Variants in FRAS1 observed in about 807,000 individuals in gnomAD.
FRAS1 encodes extracellular matrix organizing protein FRAS1.
In FRAS1, 290 loss-of-function variants were observed where a neutral mutation model predicts 435.2. That is an observed-to-expected ratio of 0.67 (90% CI 0.61 to 0.73). The LOEUF is 0.73. FRAS1 is among the 30% of genes least tolerant of loss of function. The pLI, the probability that FRAS1 is intolerant of heterozygous loss-of-function variation, is 0.00. For synonymous variants in FRAS1, 1,800 were observed against 1,851.0 expected, an observed-to-expected ratio of 0.97 and a Z score of 0.71; for missense variants, 4,860 against 5,001.5, an observed-to-expected ratio of 0.97 and a Z score of 0.85.
At chr4:78,275,891 A>G (rs1403664379) in intron 9 of FRAS1, among the ~76,000 whole-genome samples, 2 of 152,144 alleles carry the variant, frequency 1.3e-5, no homozygotes, top group Non-Finnish European at 2.9e-5. Flanking sequence ...GTTCTCCTGG[A>G]TAATATACTG....
At chr4:78,245,135 G>A in intron 3 of FRAS1, 98 bp from the exon 4 acceptor site, 1 of 818,490 alleles carries the variant, frequency 1.2e-6, no homozygotes, top group Non-Finnish European at 2.1e-6. Flanking sequence ...AGAAACGCAT[G>A]AGATTTAGTG....
chr4:78,323,676 A>G lies in FRAS1; in HGVS notation c.2137+4690A>G, dbSNP rs144655593. ...GTGCCTGGCTCCTCCCGGAGTCACT[A>G]GTGACAACCAGTGTGGCAGTACGTG... On this transcript the variant is annotated intron_variant, in intron 18 of 73. Transcript: ENST00000512123. 2.0e-5 allele frequency among the ~76,000 whole-genome samples: 3 copies of G among 152,214 alleles called. 1 individual carries two copies. Among genetic ancestry groups the G allele is most frequent in the Non-Finnish European group, 4.4e-5 (3 of 68,014 alleles).
chr4:78,360,774 A>T (rs1400571409), intron 20 of FRAS1, among the ~76,000 whole-genome samples: 1 of 152,220 alleles, frequency 6.6e-6, no homozygotes, highest in South Asian at 2.1e-4. Flanking sequence ...TAGAATAATT[A>T]ACACACGTTA....
At chr4:78,411,363 C>T (rs1286187842) in intron 31 of FRAS1, among the ~76,000 whole-genome samples, 5 of 152,240 alleles carry the variant, frequency 3.3e-5, no homozygotes, top group African/African-American at 1.2e-4. Flanking sequence ...CCGCCCACCT[C>T]GGCCTCCCAA....
chr4:78,435,267 A>AAAAC lies in FRAS1; in HGVS notation c.5217+2679_5217+2682dup, dbSNP rs567068916. 2.1e-4 allele frequency among the ~76,000 whole-genome samples: 32 copies of AAAAC among 152,324 alleles called. No homozygotes were observed. In the South Asian group the frequency reaches 5.4e-3, roughly 26 times the overall value. On this transcript the variant is annotated intron_variant, in intron 38 of 73. Transcript: ENST00000512123. ...GATGACAGAGCAAGCCCCTTTCTCA[A>AAAAC]AAACAAACAAACAAACAAAAACAAA...
intron 67 of FRAS1, among the ~76,000 whole-genome samples, chr4:78,520,481 A>G (rs776654807): frequency 2.6e-5 from 4 of 152,148 alleles, no homozygotes; most frequent in African/African-American, 7.2e-5. Context: ...ATTCATATCT[A>G]TTAGTGTTTG....
At position 78,496,639 on chromosome 4, in the gene FRAS1, TG is replaced by T. The variant is rs376542633; in HGVS notation, c.8959-165del. ...CATATAGGTGGGTCCCACCCAAGCA[TG>T]AACTGTTAAATTTGAACATTTTGTT... On this transcript the variant is annotated intron_variant, in intron 59 of 73. Coordinates refer to ENST00000512123, the MANE Select transcript of FRAS1 (RefSeq NM_025074.7). 2.2e-3 allele frequency among the ~76,000 whole-genome samples: 329 copies of T among 152,368 alleles called. 1 individual carries two copies. Among genetic ancestry groups the T allele is most frequent in the African/African-American group, 7.6e-3 (317 of 41,586 alleles).
chr4:78,315,941 A>G (rs558020539), intron 16 of FRAS1, among the ~76,000 whole-genome samples: 10 of 152,192 alleles, frequency 6.6e-5, no homozygotes, highest in Non-Finnish European at 1.5e-4. Flanking sequence ...GAGTGCTTTC[A>G]TGAAGGACTT....
At chr4:78,243,671 TATAC>T (rs1725107046) in intron 3 of FRAS1, among the ~76,000 whole-genome samples, 1 of 130,920 alleles carries the variant, frequency 7.6e-6, no homozygotes, top group Admixed American at 7.9e-5. Context: ...TATATATATA[TATAC>T]ACACAAACAC....
intron 2 of FRAS1, among the ~76,000 whole-genome samples, chr4:78,084,949 C>T (rs1237010354): frequency 6.6e-6 from 1 of 152,046 alleles, no homozygotes; most frequent in Non-Finnish European, 1.5e-5. Context: ...TGCCTTTTCT[C>T]TTATTCTGAA....
chr4:78,372,651 A>C, intron 23 of FRAS1, 67 bp from the exon 24 acceptor site: 1 of 1,588,028 alleles, frequency 6.3e-7, no homozygotes, highest in Non-Finnish European at 8.6e-7. Context: ...CAGAGTCCTC[A>C]TAAATGAACT....
Position 78,375,770 on chromosome 4 carries a change from C to G in FRAS1, c.3183C>G (p.His1061Gln). The change falls in exon 26 of 74, where the codon CAC becomes CAG. Residue 1061 changes from histidine (H) to glutamine (Q), a missense_variant. His to Gln is a conservative substitution (Grantham distance 24). Transcript: ENST00000512123. ...CTCAGGGGTGCTTGCAGTGCAGCCACAGGGACCGTTGTCACCTCTGTGACC... is the reference window on the plus strand; with the variant it reads ...CTCAGGGGTGCTTGCAGTGCAGCCAGAGGGACCGTTGTCACCTCTGTGACC... ...ACPQGCLQCS[H>Q]RDRCHLCDHG... 1 of 1,608,284 alleles carries G rather than the reference C, an allele frequency of 6.2e-7. No individual in the cohort carries two copies.
intron 2 of FRAS1, among the ~76,000 whole-genome samples, chr4:78,204,687 A>G (rs981335417): frequency 7.2e-5 from 11 of 152,202 alleles, no homozygotes; most frequent in African/African-American, 1.9e-4. Context: ...AAAGTGCACC[A>G]TATGGAGAAG....
At position 78,526,547 on chromosome 4, in the gene FRAS1, C is replaced by A; in HGVS notation, c.10815C>A (p.Asp3605Glu). ...CTGCTCTGCATGTTTCCAGGAAGGA[C>A]TACTCAGGAGAGTACACCATCTACC... is the stretch of plus-strand genomic sequence containing the variant. ...WRATSSYNRKDYSGEYTIYLI... is the reference protein window; with the variant it reads ...WRATSSYNRKEYSGEYTIYLI... The change falls in exon 70 of 74, where the codon GAC becomes GAA. Residue 3605 changes from aspartate to glutamate, a missense_variant. Transcript: ENST00000512123. 1 of 1,586,318 alleles carries A rather than the reference C, an allele frequency of 6.3e-7. No individual in the cohort carries two copies. The highest frequency in any genetic ancestry group is 1.8e-5 in the Admixed American group (1 of 56,796).
At position 78,493,195 on chromosome 4, in the gene FRAS1, C is replaced by T. The variant is rs778715309; in HGVS notation, c.8959-3610C>T. The stretch of plus-strand genomic sequence containing the variant: ...ATGTGGAGAAATAGGAACACTTTTA[C>T]ACTGTTGGTGGGAGTGTAAATTAGT... On this transcript the variant is annotated intron_variant, in intron 59 of 73. Transcript: ENST00000512123. Among the ~76,000 whole-genome samples, 7 of 152,172 alleles carry T rather than the reference C, an allele frequency of 4.6e-5. 1 individual carries two copies. Among genetic ancestry groups the T allele is most frequent in the Non-Finnish European group, 1.5e-5 (1 of 68,022 alleles).
chr4:78,384,693 A>T (rs866984371), intron 28 of FRAS1, among the ~76,000 whole-genome samples: 11 of 151,894 alleles, frequency 7.2e-5, no homozygotes, highest in African/African-American at 2.7e-4. Context: ...CAGGAGTTTG[A>T]GGCCAGCCTG....
intron 18 of FRAS1, among the ~76,000 whole-genome samples, chr4:78,324,244 C>T (rs545370511): frequency 6.6e-6 from 1 of 152,086 alleles, no homozygotes; most frequent in Non-Finnish European, 1.5e-5. Context: ...AATAAAAATT[C>T]AGGCTTTAGC....
At chr4:78,154,907 G>A (rs547644264) in intron 2 of FRAS1, among the ~76,000 whole-genome samples, 181 of 152,270 alleles carry the variant, frequency 1.2e-3, no homozygotes, top group African/African-American at 4.2e-3. Flanking sequence ...TCTCCACTCT[G>A]TGGTCTCCTG....
Position 78,437,589 on chromosome 4 carries a change from A to AGACT in FRAS1, c.5218-978_5218-975dup, listed in dbSNP as rs1734481604. Among the ~76,000 whole-genome samples, 11 of 152,366 alleles carry AGACT rather than the reference A, an allele frequency of 7.2e-5. No homozygotes were observed. The South Asian group carries it at 2.3e-3, about 32-fold the overall frequency. ...GGTCTCTGGGGATAGAAATGAGAAC[A>AGACT]GACTGAAACCTGTTGGCCCCCGCCC... On this transcript the variant is annotated intron_variant, in intron 38 of 73. Coordinates refer to ENST00000512123, the MANE Select transcript of FRAS1 (RefSeq NM_025074.7).
Sources: gnomAD v4.1 joint callset for allele counts (sites outside exome capture counted in the v4.1 genomes callset) on GRCh38, gnomAD v4.1.1 for gene constraint, MANE v1.5 for transcripts, NCBI Gene and HGNC (gene_info 2026-07-23, HGNC 2026-07-21) for gene names.